PLA2G1B: variants seen among roughly 807,000 people sequenced by gnomAD.
The protein encoded by PLA2G1B is phospholipase A2 group IB.
PLA2G1B carries 12 observed loss-of-function variants against 12.5 expected under a neutral mutation model. The ratio of observed to expected loss-of-function variants is 0.96; its 90% CI spans 0.62 to 1.56. The LOEUF (loss-of-function observed/expected upper bound fraction) is 1.56, where lower values mean the gene tolerates loss of function less well. Among genes scored for constraint, PLA2G1B ranks in the 40% most tolerant of loss-of-function variants. The pLI, the probability that PLA2G1B is intolerant of heterozygous loss-of-function variation, is 0.00. For synonymous variants in PLA2G1B, 81 were observed against 73.4 expected, an observed-to-expected ratio of 1.10 and a Z score of -0.53; for missense variants, 189 against 186.7, an observed-to-expected ratio of 1.01 and a Z score of -0.07.
intron 1 of PLA2G1B, among the ~76,000 whole-genome samples, chr12:120,327,401 C>T (rs967226209): frequency 3.3e-5 from 5 of 151,986 alleles, no homozygotes; most frequent in East Asian, 3.9e-4. Flanking sequence ...CTTGAGCCCA[C>T]GAGTTGGAAG....
At chr12:120,326,703 G>A (rs1238004814) in intron 1 of PLA2G1B, among the ~76,000 whole-genome samples, 1 of 151,824 alleles carries the variant, frequency 6.6e-6, no homozygotes, top group Non-Finnish European at 1.5e-5. Flanking sequence ...GGGCACGGTG[G>A]CTCATGCCTG....
intron 2 of PLA2G1B, 126 bp from the exon 3 acceptor site, chr12:120,325,187 G>T: frequency 1.1e-6 from 1 of 893,294 alleles, no homozygotes; most frequent in Non-Finnish European, 1.7e-6. Flanking sequence ...ATGATCCTAT[G>T]GCTTGAAAAA....
In PLA2G1B at chr12:120,326,103, G is replaced by A. The variant is rs1043954646; in HGVS notation, c.35-83C>T. ...GCCTTCCTGCTCCCTCGGGTCCCAC[G>A]CTGCCTCCCTGACCCCTGCCAGCTG... On this transcript the variant is annotated intron_variant, in intron 1 of 3. Transcript: ENST00000308366. The A allele has an allele frequency of 7.5e-6, 11 of 1,463,956 alleles. No homozygotes were observed. The African/African-American group carries it at 1.2e-4, about 17-fold the overall frequency. The allele number at this position is 1,463,956 out of a possible 1,614,324, so 90.7% of individuals were successfully genotyped here.
intron 3 of PLA2G1B, 69 bp from the exon 4 acceptor site, chr12:120,322,386 A>G (rs1245372422): frequency 7.0e-6 from 10 of 1,437,590 alleles, no homozygotes; most frequent in Non-Finnish European, 9.5e-6. Context: ...GGGCAAGAAG[A>G]ATTAACTGGA....
Position 120,325,986 on chromosome 12 carries a change from G to C in PLA2G1B, c.69C>G (p.Ala23=). 6.2e-7 allele frequency: 1 copy of C among 1,614,042 alleles called. No individual in the cohort carries two copies. Among genetic ancestry groups the C allele is most frequent in the Non-Finnish European group, 8.5e-7 (1 of 1,179,986 alleles). ...TGATCATTTTGCGGAACTGCCACAC[G>C]GCCCGAGGGCTGATGCCGCTGTCGG... ...AAADSGISPR[A]VWQFRKMIKC... is the part of the protein sequence containing the mutation. The change falls in exon 2 of 4, where the codon GCC becomes GCG. Residue 23 remains alanine (A), a synonymous_variant. Transcript: ENST00000308366.
intron 3 of PLA2G1B, among the ~76,000 whole-genome samples, chr12:120,323,088 C>A (rs1320601543): frequency 6.6e-6 from 1 of 152,120 alleles, no homozygotes; most frequent in African/African-American, 2.4e-5. Flanking sequence ...TTCCACTTTC[C>A]ATAATAGATA....
rs1873246266 is a variant in PLA2G1B, at chr12:120,322,121, C to G, written c.*72G>C. 2.0e-6 allele frequency: 3 copies of G among 1,471,660 alleles called. No homozygotes were observed. The highest frequency in any genetic ancestry group is 1.4e-5 in the African/African-American group (1 of 70,870). 91.2% of individuals were successfully genotyped at this position (1,471,660 alleles called of 1,614,324 possible). On this transcript the variant is annotated 3_prime_UTR_variant, in exon 4 of 4. Transcript: ENST00000308366. ...AACAATATCCAAACATGAGGTCTTT[C>G]AACAAGGTGCTTTATTGGAGAGTAC...
At chr12:120,322,363 T>A in intron 3 of PLA2G1B, 46 bp from the exon 4 acceptor site, 1 of 1,589,522 alleles carries the variant, frequency 6.3e-7, no homozygotes, top group Non-Finnish European at 8.6e-7. Flanking sequence ...TGGACCCTGT[T>A]TTGTACAATC....
At position 120,324,982 on chromosome 12, in the gene PLA2G1B, T is replaced by A. The variant is rs1387090538; in HGVS notation, c.274A>T (p.Thr92Ser). 2 of 1,613,950 alleles carry A rather than the reference T, an allele frequency of 1.2e-6. No individual in the cohort carries two copies. The highest frequency in any genetic ancestry group is 3.3e-5 in the Admixed American group (2 of 59,972). Residue 92 changes from threonine to serine, a missense_variant, in exon 3 of 4, where the codon ACC becomes TCC. Thr to Ser is a moderately conservative substitution (Grantham distance 58, BLOSUM62 1). Transcript: ENST00000308366. ...SCKFLLDNPY[T>S]HTYSYSCSGS... ...GAGCACGAGTATGAATAGGTGTGGG[T>A]GTACGGGTTGTCCAGCAGAAATTTA...
At chr12:120,322,413 T>C (rs1159769266) in intron 3 of PLA2G1B, 96 bp from the exon 4 acceptor site, 1 of 1,117,778 alleles carries the variant, frequency 8.9e-7, no homozygotes, top group Non-Finnish European at 1.3e-6. Flanking sequence ...TGGCAGCCAT[T>C]CCACTGATGC....
Position 120,327,713 on chromosome 12 carries a change from T to C in PLA2G1B, c.34+7A>G. The C allele has an allele frequency of 1.9e-6, 3 of 1,613,806 alleles. No individual in the cohort carries two copies. Among genetic ancestry groups the C allele is most frequent in the Non-Finnish European group, 2.5e-6 (3 of 1,179,820 alleles). On this transcript the variant is annotated splice_region_variant and intron_variant, in intron 1 of 3. Coordinates refer to ENST00000308366, the MANE Select transcript of PLA2G1B (RefSeq NM_000928.3). ...AAAGGCGGGTGGAGCCGGGGAGACTTGCCTACCTGTGAGCAGCACAGCTAG... is the reference window on the plus strand; with the variant it reads ...AAAGGCGGGTGGAGCCGGGGAGACTCGCCTACCTGTGAGCAGCACAGCTAG...
intron 1 of PLA2G1B, among the ~76,000 whole-genome samples, chr12:120,326,793 AC>A (rs2136857419): frequency 6.6e-6 from 1 of 151,684 alleles, no homozygotes; most frequent in South Asian, 2.1e-4. Context: ...ACACGATGAA[AC>A]CCCGTCTTTA....
At position 120,324,484 on chromosome 12, in the gene PLA2G1B, A is replaced by C. The variant is rs775116065; in HGVS notation, c.322+450T>G. ...AGTTTAAGACAAGCCTGGCCAACGT[A>C]GTAAGACCCAGTCTCTACAAAAAAA... is the stretch of plus-strand genomic sequence containing the variant. On this transcript the variant is annotated intron_variant, in intron 3 of 3. Transcript: ENST00000308366. Among the ~76,000 whole-genome samples, 4 of 151,798 alleles carry C rather than the reference A, an allele frequency of 2.6e-5. No homozygotes were observed. In the East Asian group the frequency reaches 7.8e-4, roughly 30 times the overall value.
chr12:120,325,925 A>T lies in PLA2G1B; in HGVS notation c.130T>A (p.Tyr44Asn). 1.9e-6 allele frequency: 3 copies of T among 1,614,136 alleles called. No homozygotes were observed. The highest frequency in any genetic ancestry group is 2.5e-6 in the Non-Finnish European group (3 of 1,180,018). Residue 44 changes from tyrosine to asparagine, a missense_variant, in exon 2 of 4, where the codon TAC becomes AAC. Coordinates refer to ENST00000308366, the MANE Select transcript of PLA2G1B (RefSeq NM_000928.3). ...CCACAGTAGCAGCCGTAGTTGTTGT[A>T]TTCCAAGAAGGGGTCACTCCCCGGG... ...VIPGSDPFLEYNNYGCYCGLG... is the reference protein window; with the variant it reads ...VIPGSDPFLENNNYGCYCGLG...
chr12:120,326,065 C>T (rs756461303), intron 1 of PLA2G1B, 45 bp from the exon 2 acceptor site: 2 of 1,602,220 alleles, frequency 1.2e-6, no homozygotes, highest in South Asian at 1.1e-5. Flanking sequence ...TGCCAGCACC[C>T]CGGGGACACA....
Position 120,327,710 on chromosome 12 carries a change from A to T in PLA2G1B, c.34+10T>A. On this transcript the variant is annotated intron_variant, in intron 1 of 3. Coordinates refer to ENST00000308366, the MANE Select transcript of PLA2G1B (RefSeq NM_000928.3). Reference sequence around the variant, plus strand: ...GAGAAAGGCGGGTGGAGCCGGGGAGACTTGCCTACCTGTGAGCAGCACAGC... The same window carrying T: ...GAGAAAGGCGGGTGGAGCCGGGGAGTCTTGCCTACCTGTGAGCAGCACAGC... 1 of 1,613,488 alleles carries T rather than the reference A, an allele frequency of 6.2e-7. No homozygotes were observed. Among genetic ancestry groups the T allele is most frequent in the Non-Finnish European group, 8.5e-7 (1 of 1,179,674 alleles).
In PLA2G1B at chr12:120,322,303, A is replaced by G. The variant is rs1208447809; in HGVS notation, c.337T>C (p.Cys113Arg). 6.2e-7 allele frequency: 1 copy of G among 1,613,802 alleles called. No individual in the cohort carries two copies. Among genetic ancestry groups the G allele is most frequent in the African/African-American group, 1.3e-5 (1 of 74,974 alleles). Residue 113 changes from cysteine to arginine, a missense_variant, in exon 4 of 4, where the codon TGT becomes CGT. Transcript: ENST00000308366. ...AITCSSKNKE[C>R]EAFICNCDRN... is the part of the protein sequence containing the mutation. Reference sequence around the variant, plus strand: ...TCGCAGTTGCAAATGAAGGCCTCACACTCTTTGTTTTTGCCTGGAGAGGGA... The same window carrying G: ...TCGCAGTTGCAAATGAAGGCCTCACGCTCTTTGTTTTTGCCTGGAGAGGGA...
At chr12:120,324,581 T>A (rs2136855463) in intron 3 of PLA2G1B, among the ~76,000 whole-genome samples, 1 of 152,224 alleles carries the variant, frequency 6.6e-6, no homozygotes, top group African/African-American at 2.4e-5. Flanking sequence ...GGTCAGCAGA[T>A]CCCTTGAGCT....
intron 1 of PLA2G1B, among the ~76,000 whole-genome samples, chr12:120,327,275 A>G (rs766107551): frequency 8.5e-5 from 13 of 152,122 alleles, no homozygotes; most frequent in Non-Finnish European, 1.6e-4. Flanking sequence ...AGCCTGGGCG[A>G]CAGAGTGAGC....
Sources: allele counts gnomAD v4.1 joint callset (sites outside exome capture counted in the v4.1 genomes callset), GRCh38; gene constraint gnomAD v4.1.1; transcripts MANE v1.5; gene names NCBI Gene and HGNC (gene_info 2026-07-23, HGNC 2026-07-21).